The following NPSR1 variants were observed in gnomAD, a reference collection of about 807,000 sequenced individuals.
NPSR1 encodes the protein neuropeptide S receptor.
Under a neutral mutation model 46.9 loss-of-function variants are expected in NPSR1, and 48 were observed. The ratio of observed to expected loss-of-function variants is 1.02; its 90% confidence interval spans 0.81 to 1.30. The LOEUF is 1.30. Ranked by LOEUF, NPSR1 falls within the 50% of genes most tolerant of loss-of-function variation. The pLI, the probability that NPSR1 is intolerant of heterozygous loss-of-function variation, is 0.00. For missense variants in NPSR1, 450 were observed against 449.5 expected, an observed-to-expected ratio of 1.00 and a Z score of -0.01; for synonymous variants, 176 against 168.1, an observed-to-expected ratio of 1.05 and a Z score of -0.36.
At chr7:34,847,840 A>G (rs991209855) in intron 7 of NPSR1, among the ~76,000 whole-genome samples, 2 of 152,220 alleles carry the variant, frequency 1.3e-5, no homozygotes, top group Non-Finnish European at 2.9e-5. Flanking sequence ...AGTAGTCTCA[A>G]AATTAACCAT....
chr7:34,697,829 G>T (rs1001264288), intron 2 of NPSR1, among the ~76,000 whole-genome samples: 2 of 151,858 alleles, frequency 1.3e-5, no homozygotes, highest in African/African-American at 4.8e-5. Flanking sequence ...AGAATTATTA[G>T]AACAAGTAAG....
chr7:34,658,502 G>T lies in NPSR1; in HGVS notation c.90G>T (p.Val30=). Residue 30 remains valine (V), a synonymous_variant, in exon 1 of 9, where the codon GTG becomes GTT. Transcript: ENST00000360581. ...CCCCAGTGGCTTGCACTGAAACAGTGACTTTTACTGAAGTGGTGGAAGGAA... is the reference window on the plus strand; with the variant it reads ...CCCCAGTGGCTTGCACTGAAACAGTTACTTTTACTGAAGTGGTGGAAGGAA... ...DSSPVACTET[V]TFTEVVEGKE... 6.2e-7 allele frequency: 1 copy of T among 1,614,154 alleles called. No homozygotes were observed. Among genetic ancestry groups the T allele is most frequent in the South Asian group, 1.1e-5 (1 of 91,088 alleles).
intron 2 of NPSR1, among the ~76,000 whole-genome samples, chr7:34,736,798 G>A (rs1433443174): frequency 6.6e-6 from 1 of 151,860 alleles, no homozygotes; most frequent in Non-Finnish European, 1.5e-5. Flanking sequence ...GTAGACATAA[G>A]GTCTCTCTCT....
chr7:34,743,535 G>T (rs1175691219), intron 2 of NPSR1, among the ~76,000 whole-genome samples: 1 of 151,814 alleles, frequency 6.6e-6, no homozygotes, highest in African/African-American at 2.4e-5. Flanking sequence ...CCGCCTCCTG[G>T]GTTCAAGCAA....
intron 2 of NPSR1, among the ~76,000 whole-genome samples, chr7:34,723,072 G>A (rs1209127804): frequency 6.6e-6 from 1 of 152,146 alleles, no homozygotes; most frequent in African/African-American, 2.4e-5. Flanking sequence ...TCTGGAAACT[G>A]TGAACAAATT....
At chr7:34,679,814 C>A (rs1792524964) in intron 1 of NPSR1, among the ~76,000 whole-genome samples, 1 of 151,910 alleles carries the variant, frequency 6.6e-6, no homozygotes, top group Admixed American at 6.6e-5. Context: ...GTATAGAAAT[C>A]ATTTAAATAA....
intron 8 of NPSR1, among the ~76,000 whole-genome samples, chr7:34,876,166 ATGT>A (rs1444276421): frequency 6.6e-6 from 1 of 152,150 alleles, no homozygotes; most frequent in Admixed American, 6.5e-5. Flanking sequence ...GAATTTGTAA[ATGT>A]TGTACTGCAG....
At chr7:34,683,400 T>A (rs1017019460) in intron 1 of NPSR1, among the ~76,000 whole-genome samples, 6 of 150,290 alleles carry the variant, frequency 4.0e-5, no homozygotes, top group Middle Eastern at 3.5e-3. Context: ...TGAGCTAAGG[T>A]CATGCCACTG....
intron 7 of NPSR1, chr7:34,845,737 C>A: frequency 2.7e-6 from 1 of 364,932 alleles, no homozygotes; most frequent in Non-Finnish European, 5.3e-6. Context: ...ATGACTTTGG[C>A]TTTTGTGTTA....
chr7:34,719,856 T>C (rs1199560142), intron 2 of NPSR1: 1 of 151,968 alleles, frequency 6.6e-6, no homozygotes, highest in Non-Finnish European at 1.5e-5. Flanking sequence ...AAACCACCAG[T>C]GACAGACAGT....
intron 3 of NPSR1, among the ~76,000 whole-genome samples, chr7:34,792,691 A>ATAGATATATTTT (rs1787968945): frequency 5.2e-5 from 5 of 95,648 alleles, no homozygotes; most frequent in South Asian, 5.9e-4. Flanking sequence ...ATATATATGT[A>ATAGATATATTTT]TATATATACG....
rs551555763 is a variant in NPSR1 at position 34,695,049 on chromosome 7, C to G, written c.280+10365C>G. 1.6e-3 allele frequency among the ~76,000 whole-genome samples: 245 copies of G among 152,184 alleles called. 2 individuals carry two copies. Among genetic ancestry groups the G allele is most frequent in the Non-Finnish European group, 1.3e-3 (87 of 68,018 alleles). On this transcript the variant is annotated intron_variant, in intron 2 of 8. Coordinates refer to ENST00000360581, the MANE Select transcript of NPSR1 (RefSeq NM_207172.2). ...AAGCAAAAGAAAAAATCCAGAGGCA[C>G]CACATTGCCTGACTTTATACAACAA...
intron 2 of NPSR1, among the ~76,000 whole-genome samples, chr7:34,760,173 C>T (rs147950360): frequency 6.6e-6 from 1 of 152,156 alleles, no homozygotes; most frequent in Non-Finnish European, 1.5e-5. Context: ...TCTTATGTGT[C>T]AATTTTTGCA....
intron 2 of NPSR1, among the ~76,000 whole-genome samples, chr7:34,734,649 A>G (rs1325418400): frequency 1.3e-5 from 2 of 152,230 alleles, no homozygotes; most frequent in African/African-American, 2.4e-5. Context: ...TCACAAGAGA[A>G]AAAGCACTAA....
Position 34,834,458 on chromosome 7 carries a change from C to T in NPSR1, c.755C>T (p.Ser252Leu), listed in dbSNP as rs747616486. 1 of 1,607,592 alleles carries T rather than the reference C, an allele frequency of 6.2e-7. No individual in the cohort carries two copies. The highest frequency in any genetic ancestry group is 1.1e-5 in the South Asian group (1 of 90,854). ...KTYETVISNCSDGKLCSSYNR... is the reference protein window; with the variant it reads ...KTYETVISNCLDGKLCSSYNR... ...TACGAAACAGTGATTTCCAACTGCT[C>T]AGGTAAGTCTCTACTCTGCATGGCC... The change falls in exon 6 of 9, where the codon TCA becomes TTA. Residue 252 changes from serine to leucine, a missense_variant and splice_region_variant. Physicochemically the swap from Ser to Leu is moderately radical, Grantham distance 145. Coordinates refer to ENST00000360581, the MANE Select transcript of NPSR1 (RefSeq NM_207172.2).
At chr7:34,766,064 A>G (rs996958758) in intron 2 of NPSR1, among the ~76,000 whole-genome samples, 1 of 149,586 alleles carries the variant, frequency 6.7e-6, no homozygotes, top group African/African-American at 2.4e-5. Flanking sequence ...CTAAAAAAAG[A>G]AAAGAAAAAT....
At chr7:34,686,881 C>T (rs992065673) in intron 2 of NPSR1, among the ~76,000 whole-genome samples, 2 of 147,508 alleles carry the variant, frequency 1.4e-5, no homozygotes, top group Non-Finnish European at 3.0e-5. Context: ...TTTCTCAGAA[C>T]ATTCAGCTGA....
intron 3 of NPSR1, among the ~76,000 whole-genome samples, chr7:34,806,841 G>C (rs1248945659): frequency 6.6e-6 from 1 of 152,086 alleles, no homozygotes; most frequent in Non-Finnish European, 1.5e-5. Context: ...AGTCAGTCCA[G>C]GGATCCTCCT....
intron 2 of NPSR1, among the ~76,000 whole-genome samples, chr7:34,699,758 T>C (rs1793727511): frequency 6.6e-6 from 1 of 152,178 alleles, no homozygotes; most frequent in South Asian, 2.1e-4. Context: ...GGTCATATGT[T>C]CAAATACAGT....
Sources: allele counts gnomAD v4.1 joint callset (sites outside exome capture counted in the v4.1 genomes callset), GRCh38; gene constraint gnomAD v4.1.1; transcripts MANE v1.5; gene names NCBI Gene and HGNC (gene_info 2026-07-23, HGNC 2026-07-21).